Variants in LDB2 observed in about 807,000 individuals in gnomAD.
LDB2 encodes the protein LIM domain binding 2.
In LDB2, 12 loss-of-function variants were observed where a neutral mutation model predicts 44.3. That is an observed-to-expected ratio of 0.27 (90% CI 0.17 to 0.44). The LOEUF (loss-of-function observed/expected upper bound fraction) is 0.44, where lower values mean the gene tolerates loss of function less well. Among genes scored for constraint, LDB2 ranks in the 20% least tolerant of loss-of-function variants. The pLI, the probability that LDB2 is intolerant of heterozygous loss-of-function variation, is 1.00. For synonymous variants in LDB2, 164 were observed against 174.8 expected (o/e 0.94, Z 0.49); for missense variants, 344 against 473.5 (o/e 0.73, Z 2.54).
At chr4:16,663,621 C>T (rs1172137243) in intron 2 of LDB2, among the ~76,000 whole-genome samples, 1 of 152,186 alleles carries the variant, frequency 6.6e-6, no homozygotes, top group East Asian at 1.9e-4. Flanking sequence ...AAGATGGTAG[C>T]CTGTTTACGT....
chr4:16,690,670 A>G (rs1292197922), intron 2 of LDB2, among the ~76,000 whole-genome samples: 1 of 152,120 alleles, frequency 6.6e-6, no homozygotes, highest in Non-Finnish European at 1.5e-5. Flanking sequence ...TTCTAAACCA[A>G]TGGACAACCC....
At chr4:16,858,501 AC>A (rs1408173479) in intron 1 of LDB2, among the ~76,000 whole-genome samples, 1 of 152,170 alleles carries the variant, frequency 6.6e-6, no homozygotes, top group Admixed American at 6.5e-5. Flanking sequence ...CCCACAACAA[AC>A]TTTTCTTAAA....
intron 1 of LDB2, among the ~76,000 whole-genome samples, chr4:16,896,690 A>AT (rs1306617705): frequency 1.3e-5 from 2 of 152,038 alleles, no homozygotes; most frequent in East Asian, 1.9e-4. Context: ...TTAAAAGACT[A>AT]TTTTTTCCAA....
intron 2 of LDB2, among the ~76,000 whole-genome samples, chr4:16,673,164 T>C (rs537760129): frequency 6.6e-6 from 1 of 152,182 alleles, no homozygotes; most frequent in Non-Finnish European, 1.5e-5. Flanking sequence ...GAAAGGGGCA[T>C]GAATCCACTT....
At chr4:16,879,767 A>G (rs1277116516) in intron 1 of LDB2, among the ~76,000 whole-genome samples, 5 of 152,158 alleles carry the variant, frequency 3.3e-5, no homozygotes, top group Admixed American at 3.3e-4. Context: ...TATATACCCT[A>G]TATCTGCTTT....
intron 2 of LDB2, among the ~76,000 whole-genome samples, chr4:16,691,198 G>C (rs74848786): frequency 0.019 from 2,836 of 152,078 alleles, 36 homozygotes; most frequent in Non-Finnish European, 0.028. Context: ...TGCCTCTAAG[G>C]CTCTAAGGTC....
chr4:16,825,312 C>A (rs894315688), intron 1 of LDB2, among the ~76,000 whole-genome samples: 1 of 152,058 alleles, frequency 6.6e-6, no homozygotes, highest in African/African-American at 2.4e-5. Context: ...CAAATTATAG[C>A]CAAAATGGCA....
intron 2 of LDB2, among the ~76,000 whole-genome samples, chr4:16,663,694 T>C (rs1362821271): frequency 6.6e-6 from 1 of 152,176 alleles, no homozygotes; most frequent in Non-Finnish European, 1.5e-5. Flanking sequence ...AAAGAAAATA[T>C]CTATTCGTAA....
intron 2 of LDB2, among the ~76,000 whole-genome samples, chr4:16,665,138 C>T (rs558588541): frequency 5.8e-4 from 88 of 152,254 alleles, no homozygotes; most frequent in African/African-American, 2.0e-3. Context: ...GTAAAAAGAA[C>T]AGTGCTTTCC....
intron 1 of LDB2, among the ~76,000 whole-genome samples, chr4:16,774,769 G>A (rs1424690524): frequency 6.6e-6 from 1 of 152,170 alleles, no homozygotes; most frequent in Non-Finnish European, 1.5e-5. Flanking sequence ...GTGTGCATGT[G>A]TGTGTGTGAG....
chr4:16,831,145 A>G (rs571538857), intron 1 of LDB2, among the ~76,000 whole-genome samples: 2 of 149,466 alleles, frequency 1.3e-5, no homozygotes, highest in Non-Finnish European at 3.0e-5. Flanking sequence ...TCTAACCTGC[A>G]TGACCTTGGA....
At chr4:16,536,670 G>A (rs62296897) in intron 5 of LDB2, among the ~76,000 whole-genome samples, 18,290 of 152,262 alleles carry the variant, frequency 0.12, 1,293 homozygotes, top group East Asian at 0.24. Flanking sequence ...TTCTGCCACC[G>A]TTGGGAATCA....
At chr4:16,578,398 T>G (rs1023180414) in intron 5 of LDB2, among the ~76,000 whole-genome samples, 3 of 152,138 alleles carry the variant, frequency 2.0e-5, no homozygotes, top group Non-Finnish European at 2.9e-5. Flanking sequence ...GCAAAAGATC[T>G]TAATAGACAT....
At chr4:16,822,032 T>A (rs1158289077) in intron 1 of LDB2, among the ~76,000 whole-genome samples, 1 of 152,066 alleles carries the variant, frequency 6.6e-6, no homozygotes, top group East Asian at 1.9e-4. Context: ...ACTCATATCT[T>A]AGCTCTGCTA....
At chr4:16,565,488 C>A (rs1744168078) in intron 5 of LDB2, among the ~76,000 whole-genome samples, 1 of 151,622 alleles carries the variant, frequency 6.6e-6, no homozygotes. Flanking sequence ...TAGATATTAC[C>A]TTAACATGAG....
At chr4:16,782,007 G>C (rs79407231) in intron 1 of LDB2, among the ~76,000 whole-genome samples, 2 of 152,196 alleles carry the variant, frequency 1.3e-5, no homozygotes, top group Non-Finnish European at 2.9e-5. Flanking sequence ...CCAGAACTGC[G>C]AGAGAGTGAA....
intron 2 of LDB2, among the ~76,000 whole-genome samples, chr4:16,723,169 A>G (rs1439063515): frequency 6.6e-6 from 1 of 152,176 alleles, no homozygotes; most frequent in African/African-American, 2.4e-5. Context: ...AGAATAAGGT[A>G]TTAGGATAAC....
intron 2 of LDB2, among the ~76,000 whole-genome samples, chr4:16,716,190 GC>G (rs1369546764): frequency 6.6e-6 from 1 of 152,162 alleles, no homozygotes; most frequent in African/African-American, 2.4e-5. Context: ...AATTTCTGGA[GC>G]TTTAAGCTTT....
At chr4:16,569,724 C>A (rs966858597) in intron 5 of LDB2, among the ~76,000 whole-genome samples, 3 of 152,254 alleles carry the variant, frequency 2.0e-5, no homozygotes, top group Middle Eastern at 3.4e-3. Flanking sequence ...TCCTCATTTG[C>A]AGCATGGTAT....
Sources: gnomAD v4.1 joint callset for allele counts (sites outside exome capture counted in the v4.1 genomes callset) on GRCh38, gnomAD v4.1.1 for gene constraint, MANE v1.5 for transcripts, NCBI Gene and HGNC (gene_info 2026-07-23, HGNC 2026-07-21) for gene names.